The following ARFGEF3 variants were observed in gnomAD, a reference collection of about 807,000 sequenced individuals.
ARFGEF3 encodes brefeldin A-inhibited guanine nucleotide-exchange protein 3.
In ARFGEF3, 96 loss-of-function variants were observed where a neutral mutation model predicts 221.7. The ratio of observed to expected loss-of-function variants is 0.43; its 90% CI spans 0.37 to 0.51. The LOEUF (loss-of-function observed/expected upper bound fraction) is 0.51. Ranked by LOEUF, ARFGEF3 falls within the 20% of genes least tolerant of loss-of-function variation. ARFGEF3 has a pLI of 0.00. For missense variants in ARFGEF3, 2,410 were observed against 2,789.9 expected (o/e 0.86, Z 3.07); for synonymous variants, 1,145 against 1,126.8 (o/e 1.02, Z -0.32).
At chr6:138,297,678 G>A (rs1423481985) in intron 21 of ARFGEF3, among the ~76,000 whole-genome samples, 1 of 152,100 alleles carries the variant, frequency 6.6e-6, no homozygotes, top group Non-Finnish European at 1.5e-5. Flanking sequence ...TAGTCATGGG[G>A]AAAAAGTCTA....
chr6:138,206,473 A>G (rs907497574), intron 2 of ARFGEF3, among the ~76,000 whole-genome samples: 1 of 152,126 alleles, frequency 6.6e-6, no homozygotes, highest in African/African-American at 2.4e-5. Flanking sequence ...ACCTGTCACA[A>G]GACTCAGATC....
chr6:138,255,865 G>T, intron 10 of ARFGEF3, 96 bp downstream of exon 10: 1 of 1,055,980 alleles, frequency 9.5e-7, no homozygotes, highest in South Asian at 1.7e-5. Context: ...CCAATCACTT[G>T]CCGGAACTTC....
chr6:138,166,510 G>A (rs1776725512), intron 1 of ARFGEF3, among the ~76,000 whole-genome samples: 1 of 152,274 alleles, frequency 6.6e-6, no homozygotes, highest in East Asian at 1.9e-4. Flanking sequence ...AACTAATAAG[G>A]CATATGTATG....
chr6:138,303,206 A>T (rs1779656973), intron 22 of ARFGEF3, among the ~76,000 whole-genome samples: 1 of 152,234 alleles, frequency 6.6e-6, no homozygotes, highest in Non-Finnish European at 1.5e-5. Context: ...GATTCATGTT[A>T]TAATCCCTAG....
chr6:138,260,372 C>T (rs747444738), intron 10 of ARFGEF3, among the ~76,000 whole-genome samples: 35 of 152,200 alleles, frequency 2.3e-4, no homozygotes, highest in African/African-American at 3.9e-4. Context: ...AATGGACATA[C>T]GCTAGGACGT....
intron 4 of ARFGEF3, among the ~76,000 whole-genome samples, chr6:138,214,133 A>G (rs1331615608): frequency 6.6e-6 from 1 of 152,212 alleles, no homozygotes; most frequent in Non-Finnish European, 1.5e-5. Flanking sequence ...TAATACTTGT[A>G]ATGATCCAGG....
rs750149419 is a variant in ARFGEF3, at chr6:138,291,850, C to T, written c.3165C>T (p.Asp1055=). 1 of 1,502,600 alleles carries T rather than the reference C, an allele frequency of 6.7e-7. No homozygotes were observed. Among genetic ancestry groups the T allele is most frequent in the Non-Finnish European group, 8.9e-7 (1 of 1,122,614 alleles). The allele number at this position is 1,502,600 out of a possible 1,614,324, so 93.1% of individuals were successfully genotyped here. The change falls in exon 19 of 34, where the codon GAC becomes GAT. Residue 1055 remains aspartate (D), a synonymous_variant. Transcript: ENST00000251691. The surrounding 1 kb of genome is among the most constrained non-coding windows in gnomAD (Gnocchi z 4.5). ...CTGGAAGCGCTGGCCTCCTTGGGGA[C>T]CCCGAGTGTGAGGGCTCGCCCCCCG... ...KATGSAGLLG[D]PECEGSPPEH...
intron 4 of ARFGEF3, chr6:138,215,881 TGTGTGTGAAA>T (rs1310161793): frequency 2.9e-4 from 34 of 115,676 alleles, no homozygotes; most frequent in African/African-American, 1.2e-3. Flanking sequence ...TGTGTGTGTG[TGTGTGTGAAA>T]GAGAGAGAGA....
At chr6:138,317,557 G>A (rs1208893955) in intron 27 of ARFGEF3, among the ~76,000 whole-genome samples, 178 bp downstream of exon 27, 1 of 152,244 alleles carries the variant, frequency 6.6e-6, no homozygotes, top group Non-Finnish European at 1.5e-5. Context: ...GGTATGGCCT[G>A]TGTATTGTTT....
intron 12 of ARFGEF3, among the ~76,000 whole-genome samples, chr6:138,270,205 T>C (rs1778977803): frequency 6.6e-6 from 1 of 152,074 alleles, no homozygotes; most frequent in Non-Finnish European, 1.5e-5. Context: ...TATTACCAAG[T>C]AAGAAGAAAA....
chr6:138,288,403 G>T (rs1259816063), intron 17 of ARFGEF3, among the ~76,000 whole-genome samples: 1 of 151,044 alleles, frequency 6.6e-6, no homozygotes, highest in Non-Finnish European at 1.5e-5. Context: ...AGATAAAACA[G>T]CCAGGCGCAG....
In ARFGEF3 at chr6:138,248,417, G is replaced by A. The variant is rs142690218; in HGVS notation, c.665+2826G>A. Among the ~76,000 whole-genome samples the A allele has an allele frequency of 3.9e-3, 601 of 152,224 alleles. 3 individuals are homozygous for A. Among genetic ancestry groups the A allele is most frequent in the East Asian group, 0.021 (111 of 5,190 alleles). ...ACCCCCAGGTCCTAGCATTGGCAGG[G>A]AATAGAACGAAGACCACCAGAACTA... On this transcript the variant is annotated intron_variant, in intron 8 of 33. Transcript: ENST00000251691.
At chr6:138,308,515 C>T (rs1328150916) in intron 23 of ARFGEF3, among the ~76,000 whole-genome samples, 1 of 152,162 alleles carries the variant, frequency 6.6e-6, no homozygotes, top group Non-Finnish European at 1.5e-5. Flanking sequence ...CAGCTCTGCA[C>T]TCGGCCAGCT....
chr6:138,186,919 T>TTTTTTTTTTTTTTTTG (rs1777198834), intron 2 of ARFGEF3, among the ~76,000 whole-genome samples: 1 of 136,164 alleles, frequency 7.3e-6, no homozygotes, highest in African/African-American at 2.9e-5. Flanking sequence ...TTTTTTTTTT[T>TTTTTTTTTTTTTTTTG]TTTTTTTTTT....
rs1054032848 is a variant in ARFGEF3 at position 138,229,848 on chromosome 6, C to T, written c.416C>T (p.Ala139Val). ...AATGGGAGTGCCGTGCTGAAGATCG[C>T]GGAGGTGAGTACTGCTTGTGTCTGT... ...DLNGSAVLKIAEVCIETYISS... is the reference protein window; with the variant it reads ...DLNGSAVLKIVEVCIETYISS... Residue 139 changes from alanine (A) to valine (V), a missense_variant, in exon 5 of 34, where the codon GCG becomes GTG. Around this residue, in one of 5 missense-constraint regions of ARFGEF3, gnomAD observed 570 missense variants for 586.9 expected, o/e 0.97. Transcript: ENST00000251691. 47 of 1,613,080 alleles carry T rather than the reference C, an allele frequency of 2.9e-5. No homozygotes were observed. Among genetic ancestry groups the T allele is most frequent in the Non-Finnish European group, 3.7e-5 (44 of 1,179,336 alleles).
In ARFGEF3 at chr6:138,263,214, C is replaced by A; in HGVS notation, c.1731C>A (p.Phe577Leu). The change falls in exon 12 of 34, where the codon TTC becomes TTA. Residue 577 changes from phenylalanine (F) to leucine (L), a missense_variant. Around this residue, in one of 5 missense-constraint regions of ARFGEF3, gnomAD observed 594 missense variants for 734.3 expected, o/e 0.81. Coordinates refer to ENST00000251691, the MANE Select transcript of ARFGEF3 (RefSeq NM_020340.5). ...TCCCTTACCCTGACATAACTAACTT[C>A]CTGTCAGTAGACTGCAGGACAAGGT... ...HTVPYPDITN[F>L]LSVDCRTRSY... The A allele has an allele frequency of 1.2e-6, 2 of 1,614,006 alleles. No homozygotes were observed. The highest frequency in any genetic ancestry group is 1.7e-6 in the Non-Finnish European group (2 of 1,179,900).
In ARFGEF3 at chr6:138,328,146, A is replaced by G; in HGVS notation, c.5123+4A>G. ...CAAATGGACACACCAAGAAAAGGTA[A>G]GTACCTAAATCTCAACTCATAGGGT... On this transcript the variant is annotated splice_donor_region_variant and intron_variant, in intron 32 of 33. Coordinates refer to ENST00000251691, the MANE Select transcript of ARFGEF3 (RefSeq NM_020340.5). 6.3e-7 allele frequency: 1 copy of G among 1,592,806 alleles called. No homozygotes were observed. Among genetic ancestry groups the G allele is most frequent in the Non-Finnish European group, 8.6e-7 (1 of 1,168,918 alleles).
intron 21 of ARFGEF3, among the ~76,000 whole-genome samples, chr6:138,297,722 C>T (rs939257263): frequency 2.6e-5 from 4 of 152,154 alleles, no homozygotes; most frequent in African/African-American, 9.7e-5. Context: ...AAGGCCTCCC[C>T]AACATCTAGT....
chr6:138,329,923 G>A (rs1384240375), intron 32 of ARFGEF3, among the ~76,000 whole-genome samples: 7 of 152,088 alleles, frequency 4.6e-5, no homozygotes, highest in African/African-American at 1.4e-4. Flanking sequence ...GAGAGTCAGC[G>A]AAGGGAGATA....
Sources: gnomAD v4.1 joint callset for allele counts (sites outside exome capture counted in the v4.1 genomes callset) on GRCh38, gnomAD v4.1.1 for gene constraint, gnomAD v4.1.1 regional missense constraint, Gnocchi (gnomAD v3.1) non-coding constraint, MANE v1.5 for transcripts, NCBI Gene and HGNC (gene_info 2026-07-23, HGNC 2026-07-21) for gene names.